Variants in ADAMTS9 observed in about 807,000 individuals in gnomAD.
ADAMTS9 encodes A disintegrin and metalloproteinase with thrombospondin motifs 9.
In ADAMTS9, 107 loss-of-function variants were observed where a neutral mutation model predicts 257.1. That is an observed-to-expected ratio of 0.42 (90% CI 0.36 to 0.49). ADAMTS9 has a LOEUF of 0.49. Ranked by LOEUF, ADAMTS9 falls within the 20% of genes least tolerant of loss-of-function variation. ADAMTS9 has a pLI of 0.03. For synonymous variants in ADAMTS9, 982 were observed against 880.9 expected (o/e 1.11, Z -2.03); for missense variants, 2,353 against 2,469.1 (o/e 0.95, Z 1.00).
intron 3 of ADAMTS9, among the ~76,000 whole-genome samples, chr3:64,676,261 G>T (rs1024565010): frequency 6.6e-6 from 1 of 152,154 alleles, no homozygotes; most frequent in South Asian, 2.1e-4. Context: ...AATGTGGCTT[G>T]GCTATTGGTC....
At chr3:64,632,870 T>C (rs1006845568) in intron 14 of ADAMTS9, among the ~76,000 whole-genome samples, 6 of 151,570 alleles carry the variant, frequency 4.0e-5, no homozygotes, top group African/African-American at 1.5e-4. Flanking sequence ...AGAGGCATCA[T>C]CTCAGAGCCC....
chr3:64,536,187 A>C (rs2083047702), intron 37 of ADAMTS9, among the ~76,000 whole-genome samples: 1 of 152,210 alleles, frequency 6.6e-6, no homozygotes, highest in African/African-American at 2.4e-5. Context: ...ACAGGAGATC[A>C]TCCTCCTCAT....
intron 12 of ADAMTS9, among the ~76,000 whole-genome samples, chr3:64,641,258 T>G (rs553910194): frequency 3.4e-4 from 48 of 141,592 alleles, no homozygotes; most frequent in Non-Finnish European, 6.9e-4. Flanking sequence ...TTTTTTTTTT[T>G]GCCTGCTTTT....
chr3:64,609,286 G>C (rs143173874), intron 22 of ADAMTS9, among the ~76,000 whole-genome samples: 544 of 152,040 alleles, frequency 3.6e-3, no homozygotes, highest in African/African-American at 0.013. Flanking sequence ...AATTAGGAAA[G>C]AAAAAGAAAT....
At chr3:64,563,580 A>G (rs1356239066) in intron 29 of ADAMTS9, among the ~76,000 whole-genome samples, 1 of 152,248 alleles carries the variant, frequency 6.6e-6, no homozygotes, top group East Asian at 1.9e-4. Context: ...AATTGAAAAA[A>G]TTACTTATGG....
At chr3:64,615,561 T>C (rs1355698131) in intron 20 of ADAMTS9, 76 bp from the exon 21 acceptor site, 1 of 1,434,248 alleles carries the variant, frequency 7.0e-7, no homozygotes, top group Non-Finnish European at 9.4e-7. Context: ...GGCTATGTTG[T>C]CTCTTCCAGC....
At position 64,651,737 on chromosome 3, in the gene ADAMTS9, G is replaced by T. The variant is rs1169089120; in HGVS notation, c.1317-574C>A. Among the ~76,000 whole-genome samples, 3 of 152,148 alleles carry T rather than the reference G, an allele frequency of 2.0e-5. No homozygotes were observed. In the East Asian group the frequency reaches 5.8e-4, roughly 29 times the overall value. ...ACAATAAAACCCATGAAAGGTAGTG[G>T]TATGCATGGAAACCAGAAGCATGCC... is the stretch of plus-strand genomic sequence containing the variant. On this transcript the variant is annotated intron_variant, in intron 8 of 39. Coordinates refer to ENST00000498707, the MANE Select transcript of ADAMTS9 (RefSeq NM_182920.2).
At chr3:64,615,200 G>T in intron 21 of ADAMTS9, 121 bp downstream of exon 21, 1 of 1,186,754 alleles carries the variant, frequency 8.4e-7, no homozygotes, top group Non-Finnish European at 1.2e-6. Flanking sequence ...TCTCAAGGGA[G>T]ACAAGGGAGA....
chr3:64,569,440 A>G (rs2083623670), intron 28 of ADAMTS9, among the ~76,000 whole-genome samples: 1 of 152,214 alleles, frequency 6.6e-6, no homozygotes, highest in East Asian at 1.9e-4. Flanking sequence ...AAATGAATTT[A>G]AGAATGAAGA....
rs1169409834 is a variant in ADAMTS9, at chr3:64,658,904, A to G, written c.680-113T>C. 1.0e-5 allele frequency: 12 copies of G among 1,170,964 alleles called. No homozygotes were observed. The Admixed American group carries it at 2.3e-4, about 23-fold the overall frequency. The allele number at this position is 1,170,964 out of a possible 1,614,324, so 72.5% of individuals were successfully genotyped here. A position where few individuals can be genotyped will look rare whatever the true frequency, so the allele number is the denominator to read the frequency against. On this transcript the variant is annotated intron_variant, in intron 3 of 39. Coordinates refer to ENST00000498707, the MANE Select transcript of ADAMTS9 (RefSeq NM_182920.2). Reference sequence around the variant, plus strand: ...CTCTGTGGTCAAACTACATACAAAAACAAGTCCTCCATGGACTCTACAGAT... The same window carrying G: ...CTCTGTGGTCAAACTACATACAAAAGCAAGTCCTCCATGGACTCTACAGAT...
chr3:64,631,920 A>G lies in ADAMTS9; in HGVS notation c.2181T>C (p.Ala727=), dbSNP rs772794038. 8.1e-6 allele frequency: 13 copies of G among 1,611,724 alleles called. No homozygotes were observed. Among genetic ancestry groups the G allele is most frequent in the African/African-American group, 1.3e-5 (1 of 74,792 alleles). The part of the protein sequence containing the change: ...DICVQGLCRQ[A]GCDHVLNSKA... ...TTGAGTTTAAAACATGATCGCATCC[A>G]GCTTGCTTTTAAAAAGAAAAGATTT... Residue 727 remains alanine (A), a synonymous_variant, in exon 15 of 40, where the codon GCT becomes GCC. Coordinates refer to ENST00000498707, the MANE Select transcript of ADAMTS9 (RefSeq NM_182920.2).
chr3:64,659,210 G>A (rs1357011095), intron 3 of ADAMTS9, among the ~76,000 whole-genome samples: 4 of 152,202 alleles, frequency 2.6e-5, no homozygotes, highest in Non-Finnish European at 5.9e-5. Flanking sequence ...GCCCATGCCT[G>A]TAATCCCAGC....
At chr3:64,562,804 C>G (rs1362880862) in intron 29 of ADAMTS9, among the ~76,000 whole-genome samples, 7 of 152,138 alleles carry the variant, frequency 4.6e-5, no homozygotes, top group Admixed American at 4.6e-4. Context: ...TAACCTGTAG[C>G]AACATTCAAC....
At chr3:64,601,723 C>G (rs893188959) in intron 26 of ADAMTS9, among the ~76,000 whole-genome samples, 1 of 152,126 alleles carries the variant, frequency 6.6e-6, no homozygotes, top group African/African-American at 2.4e-5. Context: ...ATGATATCCC[C>G]TTTCTCCACC....
intron 19 of ADAMTS9, among the ~76,000 whole-genome samples, 166 bp downstream of exon 19, chr3:64,620,948 G>A (rs1033493104): frequency 6.6e-6 from 1 of 152,076 alleles, no homozygotes; most frequent in Non-Finnish European, 1.5e-5. Flanking sequence ...TGTATGTCTT[G>A]GATAATCAGT....
At chr3:64,621,697 G>A (rs1019301232) in intron 18 of ADAMTS9, among the ~76,000 whole-genome samples, 5 of 151,802 alleles carry the variant, frequency 3.3e-5, no homozygotes, top group Non-Finnish European at 7.4e-5. Context: ...GGGAGGCACA[G>A]GTTGCAGTGG....
rs2084323638 is a variant in ADAMTS9 at position 64,594,429 on chromosome 3, A to G, written c.4185T>C (p.Thr1395=). The change falls in exon 28 of 40, where the codon ACT becomes ACC. Residue 1395 remains threonine (T), a synonymous_variant. Transcript: ENST00000498707. ...QWAYGNWGEC[T]KLCGGGIRTR... ...TTCTTATGCCTCCACCACACAGCTT[A>G]GTGCACTGGAAGAAGGAAAAGGAAG... The G allele has an allele frequency of 1.2e-6, 2 of 1,611,294 alleles. No homozygotes were observed.
At chr3:64,631,974 T>C (rs1700377257) in intron 14 of ADAMTS9, 49 bp from the exon 15 acceptor site, 1 of 1,366,110 alleles carries the variant, frequency 7.3e-7, no homozygotes, top group Non-Finnish European at 1.0e-6. Context: ...ATAGAGATTA[T>C]AAAATGGCAA....
Position 64,653,529 on chromosome 3 carries a change from T to C in ADAMTS9, c.1316+824A>G, listed in dbSNP as rs79993528. Among the ~76,000 whole-genome samples the C allele has an allele frequency of 9.8e-5, 15 of 152,340 alleles. 1 individual carries two copies. The East Asian group carries it at 2.5e-3, about 25-fold the overall frequency. The stretch of plus-strand genomic sequence containing the variant: ...TGTGCCTCGTACACTACACTGCACA[T>C]AGGGGACCTTAAATGTATGAATGAA... On this transcript the variant is annotated intron_variant, in intron 8 of 39. Transcript: ENST00000498707.
Sources: allele counts gnomAD v4.1 joint callset (sites outside exome capture counted in the v4.1 genomes callset), GRCh38; gene constraint gnomAD v4.1.1; transcripts MANE v1.5; gene names NCBI Gene and HGNC (gene_info 2026-07-23, HGNC 2026-07-21).